Variants in OTUD7A observed in about 807,000 individuals in gnomAD.
The protein encoded by OTUD7A is OTU domain-containing protein 7A.
OTUD7A carries 12 observed loss-of-function variants against 65.7 expected under a neutral mutation model. The ratio of observed to expected loss-of-function variants is 0.18; its 90% CI spans 0.12 to 0.30. The LOEUF is 0.30. Among genes scored for constraint, OTUD7A ranks in the 10% least tolerant of loss-of-function variants. The pLI is 1.00. For synonymous variants in OTUD7A, 641 were observed against 586.3 expected, an observed-to-expected ratio of 1.09 and a Z score of -1.35; for missense variants, 1,148 against 1,304.8, an observed-to-expected ratio of 0.88 and a Z score of 1.85.
Position 31,484,908 on chromosome 15 carries a change from A to C in OTUD7A, c.1372-184T>G, listed in dbSNP as rs1231085143. Among the ~76,000 whole-genome samples the C allele has an allele frequency of 6.6e-6, 1 of 152,220 alleles. No homozygotes were observed. Among genetic ancestry groups the C allele is most frequent in the East Asian group, 1.9e-4 (1 of 5,166 alleles). ...GGGCGGTGCTGAAGGAGCGGATAGG[A>C]GTGGGCTCTGATCTGCTGCGGTAGT... On this transcript the variant is annotated intron_variant, in intron 12 of 12. Coordinates refer to ENST00000307050, the MANE Select transcript of OTUD7A (RefSeq NM_001382637.1). The surrounding 1 kb of genome is among the most constrained non-coding windows in gnomAD (Gnocchi z 4.5).
chr15:31,856,853 G>A lies in OTUD7A; in HGVS notation c.-100+13654C>T, dbSNP rs1490279458. Among the ~76,000 whole-genome samples, 11 of 152,308 alleles carry A rather than the reference G, an allele frequency of 7.2e-5. No homozygotes were observed. The East Asian group carries it at 7.7e-4, about 11-fold the overall frequency. On this transcript the variant is annotated intron_variant, in intron 1 of 12. Coordinates refer to ENST00000307050, the MANE Select transcript of OTUD7A (RefSeq NM_001382637.1). ...GTCATTTCTGGCTCTGAGCTCTTTC[G>A]CAGCCGGGAGCATCACAGAAGTTGG...
At chr15:31,756,497 T>C (rs1894815257) in intron 1 of OTUD7A, among the ~76,000 whole-genome samples, 1 of 152,156 alleles carries the variant, frequency 6.6e-6, no homozygotes, top group Non-Finnish European at 1.5e-5. Flanking sequence ...CCTCGTGATG[T>C]AATCAACTAT....
chr15:31,635,184 C>T (rs1595674279), intron 3 of OTUD7A, among the ~76,000 whole-genome samples: 1 of 152,294 alleles, frequency 6.6e-6, no homozygotes, highest in South Asian at 2.1e-4. Flanking sequence ...TTTTGACCCA[C>T]TGCTAGTCCT....
At chr15:31,816,794 T>A (rs1265866614) in intron 1 of OTUD7A, among the ~76,000 whole-genome samples, 1 of 152,228 alleles carries the variant, frequency 6.6e-6, no homozygotes, top group African/African-American at 2.4e-5. Flanking sequence ...ATGCCAGAAT[T>A]TAATTTATGT....
At chr15:31,580,363 C>T (rs984902482) in intron 3 of OTUD7A, among the ~76,000 whole-genome samples, 1 of 152,050 alleles carries the variant, frequency 6.6e-6, no homozygotes, top group African/African-American at 2.4e-5. Flanking sequence ...GTCACTGAGG[C>T]ATTTTCAATA....
chr15:31,509,372 G>C (rs985549014), intron 8 of OTUD7A, among the ~76,000 whole-genome samples: 2 of 151,936 alleles, frequency 1.3e-5, no homozygotes, highest in African/African-American at 2.4e-5. Flanking sequence ...TCCACCTCCT[G>C]GGTTCACGCC....
intron 3 of OTUD7A, among the ~76,000 whole-genome samples, chr15:31,638,410 T>C (rs566275185): frequency 6.6e-6 from 1 of 150,470 alleles, no homozygotes; most frequent in Non-Finnish European, 1.5e-5. Context: ...GACAGGGTCT[T>C]GCTCTGTCAC....
rs1014454659 is a variant in OTUD7A, at chr15:31,483,642, C to T, written c.2454G>A (p.Pro818=). Residue 818 remains proline, a synonymous_variant, in exon 13 of 13, where the codon CCG becomes CCA. Transcript: ENST00000307050. ...CGGTGCGCAGGGCGGCGGCGCGCGC[C>T]GGGCTGTAGCTCTGCGACGACAGCG... ...NRSLSSQSYS[P]ARAAALRTVN... is the part of the protein sequence containing the mutation. The T allele has an allele frequency of 1.4e-5, 16 of 1,174,668 alleles. No individual in the cohort carries two copies. The African/African-American group carries it at 2.3e-4, about 17-fold the overall frequency. The allele number at this position is 1,174,668 out of a possible 1,614,324, so 72.8% of individuals were successfully genotyped here.
At chr15:31,772,899 T>C (rs1196230883) in intron 1 of OTUD7A, among the ~76,000 whole-genome samples, 1 of 152,198 alleles carries the variant, frequency 6.6e-6, no homozygotes, top group Admixed American at 6.5e-5. Flanking sequence ...AGTTTGTATA[T>C]AATGTCAAGT....
At chr15:31,662,473 T>C (rs991906392) in intron 1 of OTUD7A, among the ~76,000 whole-genome samples, 2 of 152,232 alleles carry the variant, frequency 1.3e-5, no homozygotes, top group African/African-American at 2.4e-5. Context: ...TTGTTGTCTT[T>C]ATTGATGCTT....
intron 9 of OTUD7A, among the ~76,000 whole-genome samples, chr15:31,503,453 C>T (rs543581278): frequency 3.9e-5 from 6 of 152,302 alleles, no homozygotes; most frequent in East Asian, 3.9e-4. Context: ...TGGGCTTGGT[C>T]CTGGTCCTCA....
chr15:31,793,110 G>C (rs1895862275), intron 1 of OTUD7A, among the ~76,000 whole-genome samples: 1 of 152,164 alleles, frequency 6.6e-6, no homozygotes, highest in Non-Finnish European at 1.5e-5. Context: ...GTGCGGCTGT[G>C]CTTCTGCCTC....
chr15:31,827,676 C>T (rs1209958734), intron 1 of OTUD7A, among the ~76,000 whole-genome samples: 3 of 152,148 alleles, frequency 2.0e-5, no homozygotes, highest in African/African-American at 7.2e-5. Context: ...CCTGTAATCC[C>T]AGCACTTTGG....
intron 1 of OTUD7A, among the ~76,000 whole-genome samples, chr15:31,861,348 A>G (rs1472230004): frequency 1.3e-5 from 2 of 152,124 alleles, no homozygotes; most frequent in Non-Finnish European, 2.9e-5. Context: ...TGTGAATGCA[A>G]CCACACACCG....
chr15:31,538,943 A>G (rs185619735), intron 5 of OTUD7A, among the ~76,000 whole-genome samples: 124 of 152,310 alleles, frequency 8.1e-4, no homozygotes, highest in Non-Finnish European at 1.2e-3. Context: ...GTATTTAAAA[A>G]TACATTATAT....
intron 3 of OTUD7A, among the ~76,000 whole-genome samples, chr15:31,652,782 C>T (rs1326866181): frequency 6.6e-6 from 1 of 152,084 alleles, no homozygotes; most frequent in Non-Finnish European, 1.5e-5. Flanking sequence ...AATACCATCA[C>T]ACAGCTATCA....
chr15:31,684,408 A>G (rs887335378), intron 1 of OTUD7A, among the ~76,000 whole-genome samples: 1 of 152,122 alleles, frequency 6.6e-6, no homozygotes, highest in Non-Finnish European at 1.5e-5. Flanking sequence ...CAACTCCCAG[A>G]TTTAGGGACT....
intron 1 of OTUD7A, among the ~76,000 whole-genome samples, chr15:31,788,371 T>G (rs1309900748): frequency 1.3e-5 from 2 of 152,220 alleles, no homozygotes; most frequent in Non-Finnish European, 2.9e-5. Flanking sequence ...CTGGGCTTCA[T>G]GACTGGGCGG....
At chr15:31,861,253 G>A (rs1897734062) in intron 1 of OTUD7A, among the ~76,000 whole-genome samples, 1 of 152,092 alleles carries the variant, frequency 6.6e-6, no homozygotes, top group Non-Finnish European at 1.5e-5. Flanking sequence ...CCAGAATGAG[G>A]CCTCCTCTAG....
Sources: gnomAD v4.1 joint callset for allele counts (sites outside exome capture counted in the v4.1 genomes callset) on GRCh38, gnomAD v4.1.1 for gene constraint, Gnocchi (gnomAD v3.1) non-coding constraint, MANE v1.5 for transcripts, NCBI Gene and HGNC (gene_info 2026-07-23, HGNC 2026-07-21) for gene names.